Variants in NPC1 observed in about 807,000 individuals in gnomAD.
The protein encoded by NPC1 is Niemann-Pick C1 protein.
NPC1 carries 85 observed loss-of-function variants against 140.4 expected under a neutral mutation model. The observed-to-expected ratio is 0.61, with a 90% CI of 0.51 to 0.72. The LOEUF (loss-of-function observed/expected upper bound fraction) is 0.72, where lower values mean the gene tolerates loss of function less well. Ranked by LOEUF, NPC1 falls within the 30% of genes least tolerant of loss-of-function variation. The pLI is 0.00. For missense variants in NPC1, 1,504 were observed against 1,623.8 expected, an observed-to-expected ratio of 0.93 and a Z score of 1.27; for synonymous variants, 656 against 624.8, an observed-to-expected ratio of 1.05 and a Z score of -0.74.
rs753138623 is a variant in NPC1 at position 23,551,612 on chromosome 18, G to A, written c.1654+15C>T. On this transcript the variant is annotated intron_variant, in intron 10 of 24. Coordinates refer to ENST00000269228, the MANE Select transcript of NPC1 (RefSeq NM_000271.5). ...ACTTTATCTAAAAGGAAAAGTCAAAGCTTCTCTTACTTACCATCATAGCCT... is the reference window on the plus strand; with the variant it reads ...ACTTTATCTAAAAGGAAAAGTCAAAACTTCTCTTACTTACCATCATAGCCT... The A allele has an allele frequency of 7.6e-6, 12 of 1,577,874 alleles. No homozygotes were observed. The South Asian group carries it at 1.0e-4, about 13-fold the overall frequency.
chr18:23,517,213 G>A (rs1341110987), intron 3 of NPC1, among the ~76,000 whole-genome samples: 6 of 150,710 alleles, frequency 4.0e-5, no homozygotes, highest in Non-Finnish European at 7.4e-5. Flanking sequence ...ACAGTGGCAC[G>A]ATCTTGGCTC....
intron 9 of NPC1, among the ~76,000 whole-genome samples, chr18:23,553,619 G>T (rs2058906498): frequency 6.6e-6 from 1 of 152,212 alleles, no homozygotes; most frequent in African/African-American, 2.4e-5. Flanking sequence ...TTCCCATGCT[G>T]AAGAAATAGC....
chr18:23,544,943 A>AGCCCC lies in NPC1; in HGVS notation c.1947+16_1947+17insGGGGC. 1 of 1,032,972 alleles carries AGCCCC rather than the reference A, an allele frequency of 9.7e-7. No individual in the cohort carries two copies. Among genetic ancestry groups the AGCCCC allele is most frequent in the Non-Finnish European group, 1.4e-6 (1 of 712,972 alleles). 64.0% of individuals were successfully genotyped at this position (1,032,972 alleles called of 1,614,324 possible). A position where few individuals can be genotyped will look rare whatever the true frequency, so the allele number is the denominator to read the frequency against. On this transcript the variant is annotated intron_variant, in intron 12 of 24. Transcript: ENST00000269228. ...GCTGTTAACCTCTAGAACATACACC[A>AGCCCC]CCCCCCCCCGGCTTACCAGAAGCCT... is the stretch of plus-strand genomic sequence containing the variant.
chr18:23,578,897 C>T (rs1370150473), intron 1 of NPC1, among the ~76,000 whole-genome samples: 2 of 152,256 alleles, frequency 1.3e-5, no homozygotes, highest in African/African-American at 4.8e-5. Context: ...GAGGCTCCCT[C>T]GTGCAGCCTC....
intron 13 of NPC1, 41 bp downstream of exon 13, chr18:23,544,303 C>G (rs1259035940): frequency 6.3e-7 from 1 of 1,599,920 alleles, no homozygotes; most frequent in Admixed American, 1.7e-5. Context: ...GTCCCTGAAA[C>G]TTGAACAGAT....
intron 3 of NPC1, chr18:23,509,182 A>T (rs748349260): frequency 9.3e-6 from 12 of 1,285,794 alleles, no homozygotes; most frequent in South Asian, 6.7e-5. Context: ...TTTTTAAAAA[A>T]TTTTTCTTAG....
At chr18:23,543,429 A>C in intron 14 of NPC1, 26 bp downstream of exon 14, 4 of 1,293,466 alleles carry the variant, frequency 3.1e-6, no homozygotes, top group Non-Finnish European at 4.5e-6. Flanking sequence ...AGACTACAGG[A>C]CTGGTAGGAT....
At chr18:23,516,200 G>C (rs2058000494) in intron 3 of NPC1, 1 of 1,353,616 alleles carries the variant, frequency 7.4e-7, no homozygotes, top group Admixed American at 1.7e-5. Flanking sequence ...AGGACATGGG[G>C]GACGGTGGAA....
intron 24 of NPC1, among the ~76,000 whole-genome samples, chr18:23,532,597 C>A (rs956844420): frequency 6.6e-6 from 1 of 152,064 alleles, no homozygotes; most frequent in African/African-American, 2.4e-5. Context: ...CACCACTTCA[C>A]CTGGCTAATT....
intron 1 of NPC1, among the ~76,000 whole-genome samples, chr18:23,577,726 G>C (rs796886029): frequency 1.4e-5 from 2 of 141,218 alleles, no homozygotes; most frequent in African/African-American, 4.9e-5. Flanking sequence ...GGCCACGGAG[G>C]GGGTGGGAGG....
At chr18:23,571,194 G>C (rs957934779) in intron 3 of NPC1, among the ~76,000 whole-genome samples, 1 of 150,508 alleles carries the variant, frequency 6.6e-6, no homozygotes, top group Admixed American at 6.7e-5. Context: ...CTGACAAATT[G>C]TAAGAGTGCT....
At position 23,531,530 on chromosome 18, in the gene NPC1, A is replaced by G. The variant is rs953067560; in HGVS notation, c.*672T>C. ...AAACAATGTATTTTATTAAAGAAAA[A>G]TAAGTTAAAACCCAGTAGACACACC... On this transcript the variant is annotated 3_prime_UTR_variant, in exon 25 of 25. Coordinates refer to ENST00000269228, the MANE Select transcript of NPC1 (RefSeq NM_000271.5). 7 of 1,526,226 alleles carry G rather than the reference A, an allele frequency of 4.6e-6. No homozygotes were observed. The Admixed American group carries it at 9.1e-5, about 20-fold the overall frequency. The allele number at this position is 1,526,226 out of a possible 1,614,324, so 94.5% of individuals were successfully genotyped here.
At chr18:23,556,917 A>T (rs2058961866) in intron 7 of NPC1, among the ~76,000 whole-genome samples, 200 bp downstream of exon 7, 1 of 152,148 alleles carries the variant, frequency 6.6e-6, no homozygotes, top group South Asian at 2.1e-4. Context: ...CCCAGCTATG[A>T]TTAATTACTT....
intron 11 of NPC1, among the ~76,000 whole-genome samples, chr18:23,545,978 A>G (rs4800489): frequency 0.75 from 113,855 of 152,026 alleles, 43,770 homozygotes; most frequent in East Asian, 0.93. Context: ...GCTGGGCTCA[A>G]TGGCTTATGC....
At chr18:23,527,589 CTTTTTTT>C (rs71163615), downstream of NPC1, among the ~76,000 whole-genome samples, 1 of 108,370 alleles carries the variant, frequency 9.2e-6, no homozygotes, top group African/African-American at 3.6e-5. Flanking sequence ...CCTGCTATAG[CTTTTTTT>C]TTTTTTTTTT....
rs538735952 is a variant in NPC1, at chr18:23,561,226, G to C, written c.631+134C>G. 4.2e-4 allele frequency: 373 copies of C among 886,252 alleles called. 2 individuals are homozygous for C. The highest frequency in any genetic ancestry group is 6.9e-4 in the Non-Finnish European group (362 of 525,542). 54.9% of individuals were successfully genotyped at this position (886,252 alleles called of 1,614,324 possible). ...GGGGCCTCACTACATTGCCCAGGCTGGTCTGGAACTCCTGGTCTTAAGCAA... is the reference window on the plus strand; with the variant it reads ...GGGGCCTCACTACATTGCCCAGGCTCGTCTGGAACTCCTGGTCTTAAGCAA... On this transcript the variant is annotated intron_variant, in intron 5 of 24. Coordinates refer to ENST00000269228, the MANE Select transcript of NPC1 (RefSeq NM_000271.5).
intron 18 of NPC1, 114 bp downstream of exon 18, chr18:23,539,697 A>G (rs2058684350): frequency 7.9e-7 from 1 of 1,259,902 alleles, no homozygotes; most frequent in Non-Finnish European, 1.1e-6. Flanking sequence ...ATTTTGCATA[A>G]AAACAACTTT....
chr18:23,533,546 C>T lies in NPC1; in HGVS notation c.3592-29G>A, dbSNP rs923577340. ...AAAGAAGAGATACTGTGTTAGAAAC[C>T]ACTTTTACCAACCTGTAATTGAACA... On this transcript the variant is annotated intron_variant, in intron 23 of 24. Transcript: ENST00000269228. The T allele has an allele frequency of 3.1e-6, 5 of 1,607,504 alleles. No individual in the cohort carries two copies. The African/African-American group carries it at 6.7e-5, about 21-fold the overall frequency.
In NPC1 at chr18:23,549,059, G is replaced by C. The variant is rs768555002; in HGVS notation, c.1655-951C>G. ...CTGCTTTGCCCTCCCAAAGTGCTGG[G>C]ATTATAGGCATGAGCCACTGCACCT... On this transcript the variant is annotated intron_variant, in intron 10 of 24. Coordinates refer to ENST00000269228, the MANE Select transcript of NPC1 (RefSeq NM_000271.5). 2.0e-5 allele frequency among the ~76,000 whole-genome samples: 3 copies of C among 151,846 alleles called. No homozygotes were observed. In the East Asian group the frequency reaches 5.8e-4, roughly 29 times the overall value.
Sources: allele counts gnomAD v4.1 joint callset (sites outside exome capture counted in the v4.1 genomes callset), GRCh38; gene constraint gnomAD v4.1.1; transcripts MANE v1.5; gene names NCBI Gene and HGNC (gene_info 2026-07-23, HGNC 2026-07-21).